Variants in NEK1 observed in about 807,000 individuals in gnomAD.
The protein encoded by NEK1 is NIMA related kinase 1, also known as serine/threonine-protein kinase Nek1.
In NEK1, 137 loss-of-function variants were observed where a neutral mutation model predicts 182.1. The observed-to-expected ratio is 0.75, with a 90% CI of 0.65 to 0.87. The LOEUF (loss-of-function observed/expected upper bound fraction) is 0.87, where lower values mean the gene tolerates loss of function less well. NEK1 is among the 40% of genes least tolerant of loss of function. The pLI is 0.00. For synonymous variants in NEK1, 513 were observed against 492.2 expected, an observed-to-expected ratio of 1.04 and a Z score of -0.56; for missense variants, 1,391 against 1,494.4, an observed-to-expected ratio of 0.93 and a Z score of 1.14.
At chr4:169,596,052 C>G (rs1769435083) in intron 5 of NEK1, among the ~76,000 whole-genome samples, 1 of 151,998 alleles carries the variant, frequency 6.6e-6, no homozygotes, top group South Asian at 2.1e-4. Context: ...TTCTAGCAAC[C>G]AGGGACCTTG....
chr4:169,458,770 A>G (rs576477340), intron 27 of NEK1, among the ~76,000 whole-genome samples: 2 of 150,372 alleles, frequency 1.3e-5, no homozygotes, highest in Non-Finnish European at 3.0e-5. Flanking sequence ...TTGAGGCTGC[A>G]GTGAGCCATG....
At chr4:169,406,555 G>GA (rs1267725407) in intron 32 of NEK1, 41 bp downstream of exon 32, 8 of 1,435,144 alleles carry the variant, frequency 5.6e-6, no homozygotes, top group Non-Finnish European at 7.4e-6. Flanking sequence ...TATAAATTCA[G>GA]AAAATCTTTT....
intron 27 of NEK1, among the ~76,000 whole-genome samples, chr4:169,456,556 A>G (rs1365918285): frequency 6.6e-6 from 1 of 152,208 alleles, no homozygotes; most frequent in Non-Finnish European, 1.5e-5. Flanking sequence ...AGAAATTAAA[A>G]GGATCTTTAG....
chr4:169,501,745 T>C (rs1159552746), intron 23 of NEK1, among the ~76,000 whole-genome samples: 1 of 152,030 alleles, frequency 6.6e-6, no homozygotes, highest in Non-Finnish European at 1.5e-5. Context: ...TGAGATATGG[T>C]AAAAGCAGTT....
At chr4:169,436,129 C>T (rs1363717412) in intron 28 of NEK1, among the ~76,000 whole-genome samples, 2 of 152,160 alleles carry the variant, frequency 1.3e-5, no homozygotes, top group Non-Finnish European at 2.9e-5. Flanking sequence ...GTCTTGAACT[C>T]CTGGGCTCAA....
chr4:169,571,894 A>AT (rs1308174017), intron 12 of NEK1, among the ~76,000 whole-genome samples: 2 of 33,480 alleles, frequency 6.0e-5, no homozygotes, highest in Non-Finnish European at 1.2e-4. Flanking sequence ...ATGCCCAGCT[A>AT]ATTTTTTTTT....
chr4:169,405,235 A>G (rs544696967), intron 32 of NEK1, among the ~76,000 whole-genome samples: 1 of 152,348 alleles, frequency 6.6e-6, no homozygotes, highest in Admixed American at 6.5e-5. Context: ...CTAGGCTACA[A>G]AGTAGAGCCT....
chr4:169,603,246 A>G (rs1367186076), intron 2 of NEK1, among the ~76,000 whole-genome samples: 4 of 152,238 alleles, frequency 2.6e-5, no homozygotes, highest in African/African-American at 9.6e-5. Context: ...TTTAGCCAGT[A>G]GTGCCTGCTA....
intron 27 of NEK1, among the ~76,000 whole-genome samples, chr4:169,441,965 C>T (rs966379910): frequency 2.0e-5 from 3 of 152,080 alleles, no homozygotes; most frequent in African/African-American, 7.2e-5. Context: ...GCCCTGAGAC[C>T]CAACCTGCAG....
intron 23 of NEK1, among the ~76,000 whole-genome samples, chr4:169,504,769 T>C (rs1445740909): frequency 6.6e-6 from 1 of 152,114 alleles, no homozygotes; most frequent in Admixed American, 6.6e-5. Context: ...GGTTAATGGG[T>C]ACAAAAATTA....
chr4:169,565,111 T>G (rs1763474094), intron 12 of NEK1, among the ~76,000 whole-genome samples: 1 of 152,180 alleles, frequency 6.6e-6, no homozygotes, highest in African/African-American at 2.4e-5. Flanking sequence ...AAGCTAACCA[T>G]TTACGTTACC....
In NEK1 at chr4:169,479,425, GA is replaced by G; in HGVS notation, c.2116del (p.Ser706GlnfsTer3). On this transcript the variant is annotated frameshift_variant, in exon 24 of 36. Coordinates refer to ENST00000507142, the MANE Select transcript of NEK1 (RefSeq NM_001199397.3). LOFTEE classifies it high-confidence loss of function. Reference protein sequence around the residue: ...QQMRSVISVTSALKEVGVDSS... With the variant: ...QQMRSVISVTXALKEVGVDSS... Reference sequence around the variant, plus strand: ...TACCACGCCAACTTCTTTCAAAGCTGAAGTTACAGAAATAACAGATCTCATC... The same window carrying G: ...TACCACGCCAACTTCTTTCAAAGCTGAGTTACAGAAATAACAGATCTCATC... The G allele has an allele frequency of 6.2e-7, 1 of 1,611,010 alleles. No homozygotes were observed. The highest frequency in any genetic ancestry group is 8.5e-7 in the Non-Finnish European group (1 of 1,178,606).
At chr4:169,602,467 T>C (rs755560517) in intron 3 of NEK1, 47 bp downstream of exon 3, 14 of 1,022,858 alleles carry the variant, frequency 1.4e-5, no homozygotes, top group Middle Eastern at 2.1e-4. Context: ...ATGAGCTCTA[T>C]TGTAACTAAA....
chr4:169,505,563 G>A (rs1272220288), intron 23 of NEK1, among the ~76,000 whole-genome samples: 1 of 152,236 alleles, frequency 6.6e-6, no homozygotes, highest in Non-Finnish European at 1.5e-5. Flanking sequence ...AGACTACGGG[G>A]AGTCAAAAGT....
At chr4:169,522,543 T>C (rs1756249997) in intron 19 of NEK1, among the ~76,000 whole-genome samples, 1 of 152,226 alleles carries the variant, frequency 6.6e-6, no homozygotes, top group South Asian at 2.1e-4. Context: ...TTAGTTTCAA[T>C]TGCAGTTCGG....
intron 19 of NEK1, among the ~76,000 whole-genome samples, chr4:169,513,629 C>T (rs376805054): frequency 6.6e-6 from 1 of 152,136 alleles, no homozygotes; most frequent in Non-Finnish European, 1.5e-5. Context: ...AAGTTACATG[C>T]TTGCCTGTTC....
intron 16 of NEK1, among the ~76,000 whole-genome samples, chr4:169,559,551 C>T (rs1003396514): frequency 6.6e-6 from 1 of 152,020 alleles, no homozygotes; most frequent in Non-Finnish European, 1.5e-5. Flanking sequence ...ATCTATAAAT[C>T]CAGGGCAGAA....
intron 5 of NEK1, among the ~76,000 whole-genome samples, chr4:169,598,764 C>T (rs1394503433): frequency 6.6e-6 from 1 of 152,070 alleles, no homozygotes; most frequent in Non-Finnish European, 1.5e-5. Flanking sequence ...CTGGCAAAGC[C>T]ACATTTTAGG....
chr4:169,593,324 G>A (rs1768854519), intron 5 of NEK1, among the ~76,000 whole-genome samples: 1 of 152,156 alleles, frequency 6.6e-6, no homozygotes, highest in Non-Finnish European at 1.5e-5. Context: ...AAGTTTAGCT[G>A]TGTTCTAATA....
Sources: allele counts gnomAD v4.1 joint callset (sites outside exome capture counted in the v4.1 genomes callset), GRCh38; gene constraint gnomAD v4.1.1; transcripts MANE v1.5; gene names NCBI Gene and HGNC (gene_info 2026-07-23, HGNC 2026-07-21).